Variants in SLC12A4 observed in about 807,000 individuals in gnomAD.
SLC12A4 encodes electroneutral potassium-chloride cotransporter 1.
SLC12A4 carries 84 observed loss-of-function variants against 119.2 expected under a neutral mutation model. The ratio of observed to expected loss-of-function variants is 0.70; its 90% confidence interval spans 0.59 to 0.85. The LOEUF is 0.85. SLC12A4 is among the 40% of genes least tolerant of loss of function. The pLI is 0.00. For synonymous variants in SLC12A4, 599 were observed against 604.6 expected, an observed-to-expected ratio of 0.99 and a Z score of 0.14; for missense variants, 1,298 against 1,476.3, an observed-to-expected ratio of 0.88 and a Z score of 1.98.
chr16:67,964,846 A>G (rs1244751400), intron 1 of SLC12A4, among the ~76,000 whole-genome samples: 1 of 152,234 alleles, frequency 6.6e-6, no homozygotes, highest in Non-Finnish European at 1.5e-5. Flanking sequence ...TGCTATCAGC[A>G]TGAGGCTTCA....
rs763732613 is a variant in SLC12A4, at chr16:67,946,477, G to A, written c.2398C>T (p.Arg800Ter). 17 of 1,607,260 alleles carry A rather than the reference G, an allele frequency of 1.1e-5. No homozygotes were observed. The highest frequency in any genetic ancestry group is 2.2e-5 in the South Asian group (2 of 91,076). ...SVVLGWPYGW[R>*]QSEDPRAWKT... ...CAGGCACGGGGGTCCTCGCTCTGTC[G>A]CCAGCCGTAGGGCCAGCCCAGCACC... The change falls in exon 18 of 24, where the codon CGA becomes TGA. Residue 800 changes from arginine (R) to a stop codon, truncating the protein, a stop_gained. Coordinates refer to ENST00000316341, the MANE Select transcript of SLC12A4 (RefSeq NM_005072.5). LOFTEE classifies it high-confidence loss of function.
At chr16:67,945,054 C>T in intron 23 of SLC12A4, 33 bp downstream of exon 23, 1 of 1,579,314 alleles carries the variant, frequency 6.3e-7, no homozygotes, top group Non-Finnish European at 8.6e-7. Flanking sequence ...TGCTATCCAC[C>T]TCCCAACTGC....
At chr16:67,966,564 GC>G (rs905685219) in intron 1 of SLC12A4, among the ~76,000 whole-genome samples, 17 of 152,344 alleles carry the variant, frequency 1.1e-4, no homozygotes, top group African/African-American at 3.6e-4. Context: ...TGCCTGAGGT[GC>G]CCCCTCCAGC....
At chr16:67,953,693 G>C (rs1453772977) in intron 6 of SLC12A4, among the ~76,000 whole-genome samples, 1 of 152,186 alleles carries the variant, frequency 6.6e-6, no homozygotes. Context: ...TAAATTATAT[G>C]TTAATAAAGC....
chr16:67,961,227 A>T (rs1036353156), intron 3 of SLC12A4, among the ~76,000 whole-genome samples: 2 of 152,152 alleles, frequency 1.3e-5, no homozygotes, highest in Non-Finnish European at 2.9e-5. Flanking sequence ...TTGTCTGAAA[A>T]ATGGGGATGA....
chr16:67,948,237 G>A, intron 13 of SLC12A4, 78 bp from the exon 14 acceptor site: 1 of 1,403,752 alleles, frequency 7.1e-7, no homozygotes. Flanking sequence ...GCCTGGCCCA[G>A]AAACGGGGCG....
Position 67,952,040 on chromosome 16 carries a change from G to A in SLC12A4, c.918-3C>T. 1 of 1,613,156 alleles carries A rather than the reference G, an allele frequency of 6.2e-7. No homozygotes were observed. The highest frequency in any genetic ancestry group is 1.1e-5 in the South Asian group (1 of 91,042). On this transcript the variant is annotated splice_polypyrimidine_tract_variant and splice_region_variant and intron_variant, in intron 7 of 23. Transcript: ENST00000316341. ...TCCTGTTGCCCAGCATGCATACCCTGTGAGGGACAGAAGCACCGGCACCTG... is the reference window on the plus strand; with the variant it reads ...TCCTGTTGCCCAGCATGCATACCCTATGAGGGACAGAAGCACCGGCACCTG...
intron 1 of SLC12A4, chr16:67,963,897 C>T (rs2030725580): frequency 6.5e-7 from 1 of 1,549,510 alleles, no homozygotes. Flanking sequence ...ATCGCCTCCA[C>T]GCCCCAGTCC....
Position 67,963,183 on chromosome 16 carries a change from G to C in SLC12A4, c.210+282C>G, listed in dbSNP as rs116819336. Reference sequence around the variant, plus strand: ...GTGGAAGGAAGAGGAGAAATCCTGAGTTGGGAAATCCTAAGCGGGCGTTTC... The same window carrying C: ...GTGGAAGGAAGAGGAGAAATCCTGACTTGGGAAATCCTAAGCGGGCGTTTC... On this transcript the variant is annotated intron_variant, in intron 2 of 23. Coordinates refer to ENST00000316341, the MANE Select transcript of SLC12A4 (RefSeq NM_005072.5). 982 of 197,630 alleles carry C rather than the reference G, an allele frequency of 5.0e-3. 12 individuals carry two copies. The highest frequency in any genetic ancestry group is 0.022 in the African/African-American group (933 of 42,482). The allele number at this position is 197,630 out of a possible 1,614,324, so 12.2% of individuals were successfully genotyped here. A position where few individuals can be genotyped will look rare whatever the true frequency, so the allele number is the denominator to read the frequency against.
intron 1 of SLC12A4, chr16:67,964,027 T>A: frequency 6.4e-7 from 1 of 1,551,038 alleles, no homozygotes; most frequent in Non-Finnish European, 8.7e-7. Context: ...TCGGCTGCCA[T>A]GGCCCAAAGG....
Position 67,950,843 on chromosome 16 carries a change from C to A in SLC12A4, c.1396+119G>T. 7.0e-7 allele frequency: 1 copy of A among 1,425,912 alleles called. No homozygotes were observed. The highest frequency in any genetic ancestry group is 1.9e-5 in the Admixed American group (1 of 52,772). 88.3% of individuals were successfully genotyped at this position (1,425,912 alleles called of 1,614,324 possible). A position where few individuals can be genotyped will look rare whatever the true frequency, so the allele number is the denominator to read the frequency against. On this transcript the variant is annotated intron_variant, in intron 10 of 23. Coordinates refer to ENST00000316341, the MANE Select transcript of SLC12A4 (RefSeq NM_005072.5). The surrounding 1 kb of genome is among the most constrained non-coding windows in gnomAD (Gnocchi z 4.3). ...CTCGTGGTGTGTATGTGCATGTGTGCATGAGAAGGGGAGCTATATATGAGT... is the reference window on the plus strand; with the variant it reads ...CTCGTGGTGTGTATGTGCATGTGTGAATGAGAAGGGGAGCTATATATGAGT...
chr16:67,944,749 G>A lies in SLC12A4; in HGVS notation c.*91C>T, dbSNP rs891175313. On this transcript the variant is annotated 3_prime_UTR_variant, in exon 24 of 24. Transcript: ENST00000316341. This position sits in a 1 kb window ranked among gnomAD's most constrained non-coding sequence, Gnocchi z 6.6. ...CAGGGCCAGGCAAGCAGGGCTGGCA[G>A]GTGGGTGCTGGGAAGAGGCTGTTAC... The A allele has an allele frequency of 9.2e-6, 14 of 1,525,788 alleles. No homozygotes were observed. In the East Asian group the frequency reaches 2.9e-4, roughly 32 times the overall value. 94.5% of individuals were successfully genotyped at this position (1,525,788 alleles called of 1,614,324 possible). A position where few individuals can be genotyped will look rare whatever the true frequency, so the allele number is the denominator to read the frequency against.
chr16:67,949,917 A>G lies in SLC12A4; in HGVS notation c.1631T>C (p.Val544Ala), dbSNP rs2058394458. 6.2e-7 allele frequency: 1 copy of G among 1,606,480 alleles called. No homozygotes were observed. Residue 544 changes from valine to alanine, a missense_variant and splice_region_variant, in exon 13 of 24, where the codon GTG (valine) becomes GCG (alanine). By Grantham distance (64) the Val-to-Ala change is moderately conservative (BLOSUM62 0). Coordinates refer to ENST00000316341, the MANE Select transcript of SLC12A4 (RefSeq NM_005072.5). The surrounding 1 kb of genome is among the most constrained non-coding windows in gnomAD (Gnocchi z 4.6). ...AKDNIIPFLR[V>A]FGHGKVNGEP... ...ACCATTCACCTTCCCGTGGCCAAAC[A>G]CCTGTGTGCACCAGGAAGGAAGCTG... is the stretch of plus-strand genomic sequence containing the variant.
In SLC12A4 at chr16:67,950,591, G is replaced by A. The variant is rs2058403121; in HGVS notation, c.1454+63C>T. The stretch of plus-strand genomic sequence containing the variant: ...GGCTTAGGACCACCCACGGGGTTGG[G>A]AGCTGGTGTGAGGGCAGGCCAAAGC... On this transcript the variant is annotated intron_variant, in intron 11 of 23. Coordinates refer to ENST00000316341, the MANE Select transcript of SLC12A4 (RefSeq NM_005072.5). This position sits in a 1 kb window ranked among gnomAD's most constrained non-coding sequence, Gnocchi z 4.3. 4 of 1,607,640 alleles carry A rather than the reference G, an allele frequency of 2.5e-6. No homozygotes were observed. Among genetic ancestry groups the A allele is most frequent in the East Asian group, 2.2e-5 (1 of 44,450 alleles).
At position 67,951,231 on chromosome 16, in the gene SLC12A4, C is replaced by A. The variant is rs201262838; in HGVS notation, c.1206G>T (p.Pro402=). Residue 402 remains proline (P), a synonymous_variant, in exon 9 of 24, where the codon CCG becomes CCT. Transcript: ENST00000316341. This position sits in a 1 kb window ranked among gnomAD's most constrained non-coding sequence, Gnocchi z 5.2. ...EKHGLPSADA[P]SLKESLPLYV... ...ACAGAGGCAGGCTCTCCTTCAGGCT[C>A]GGGGCATCTGCGGAGGGCAGCCCAT... The A allele has an allele frequency of 2.1e-5, 34 of 1,613,954 alleles. No individual in the cohort carries two copies. The South Asian group carries it at 3.5e-4, about 17-fold the overall frequency.
chr16:67,951,358 T>C lies in SLC12A4; in HGVS notation c.1133-54A>G, dbSNP rs1335539981. ...GCTGCCCCCCACTACCCCAGGTAGT[T>C]TGGGGCAGCCTAGCCAGAGGCGCAG... On this transcript the variant is annotated intron_variant, in intron 8 of 23. Transcript: ENST00000316341. The surrounding 1 kb of genome is among the most constrained non-coding windows in gnomAD (Gnocchi z 5.2). 5.1e-6 allele frequency: 8 copies of C among 1,573,390 alleles called. No individual in the cohort carries two copies. The highest frequency in any genetic ancestry group is 1.7e-6 in the Non-Finnish European group (2 of 1,159,102).
intron 13 of SLC12A4, among the ~76,000 whole-genome samples, chr16:67,948,694 CAG>C (rs891385830): frequency 4.4e-4 from 67 of 152,340 alleles, no homozygotes; most frequent in African/African-American, 1.6e-3. Flanking sequence ...AGGACCCACA[CAG>C]GGCATGCCAG....
Position 67,944,399 on chromosome 16 carries a change from T to TG in SLC12A4, c.*440dup, listed in dbSNP as rs1425207379. On this transcript the variant is annotated 3_prime_UTR_variant, in exon 24 of 24. Transcript: ENST00000316341. This position sits in a 1 kb window ranked among gnomAD's most constrained non-coding sequence, Gnocchi z 6.6. ...GCTGTCTCCATTCGGCTCAGCTTGG[T>TG]GGGGGGCCCTGCCCATAGTAGACTG... 6 of 1,313,342 alleles carry TG rather than the reference T, an allele frequency of 4.6e-6. No homozygotes were observed. The highest frequency in any genetic ancestry group is 5.8e-6 in the Non-Finnish European group (6 of 1,030,920). 81.4% of individuals were successfully genotyped at this position (1,313,342 alleles called of 1,614,324 possible).
rs374648387 is a variant in SLC12A4 at position 67,949,931 on chromosome 16, G to C, written c.1630-13C>G. 1 of 1,594,542 alleles carries C rather than the reference G, an allele frequency of 6.3e-7. No individual in the cohort carries two copies. The highest frequency in any genetic ancestry group is 8.6e-7 in the Non-Finnish European group (1 of 1,163,088). ...CGTGGCCAAACACCTGTGTGCACCA[G>C]GAAGGAAGCTGGGTCCTGTCACCCC... On this transcript the variant is annotated splice_polypyrimidine_tract_variant and intron_variant, in intron 12 of 23. Coordinates refer to ENST00000316341, the MANE Select transcript of SLC12A4 (RefSeq NM_005072.5). This position sits in a 1 kb window ranked among gnomAD's most constrained non-coding sequence, Gnocchi z 4.6.
Sources: allele counts gnomAD v4.1 joint callset (sites outside exome capture counted in the v4.1 genomes callset), GRCh38; gene constraint gnomAD v4.1.1; non-coding constraint Gnocchi (gnomAD v3.1); transcripts MANE v1.5; gene names NCBI Gene and HGNC (gene_info 2026-07-23, HGNC 2026-07-21).